SEC14L2: variants seen among roughly 807,000 people sequenced by gnomAD.
The protein encoded by SEC14L2 is SEC14-like protein 2.
SEC14L2 carries 50 observed loss-of-function variants against 56.9 expected under a neutral mutation model. The ratio of observed to expected loss-of-function variants is 0.88; its 90% CI spans 0.70 to 1.11. The LOEUF (loss-of-function observed/expected upper bound fraction) is 1.11, where lower values mean the gene tolerates loss of function less well. Ranked by LOEUF, SEC14L2 falls within the 50% of genes most tolerant of loss-of-function variation. The pLI, the probability that SEC14L2 is intolerant of heterozygous loss-of-function variation, is 0.00. For missense variants in SEC14L2, 414 were observed against 500.7 expected, an observed-to-expected ratio of 0.83 and a Z score of 1.65; for synonymous variants, 179 against 188.5, an observed-to-expected ratio of 0.95 and a Z score of 0.41.
chr22:30,398,483 G>A (rs1480146913), intron 1 of SEC14L2: 1 of 348,700 alleles, frequency 2.9e-6, no homozygotes, highest in South Asian at 2.2e-5. Context: ...GGCTCAGGGA[G>A]GGCATATAGG....
chr22:30,410,101 A>T (rs1388229283), intron 7 of SEC14L2, among the ~76,000 whole-genome samples: 1 of 151,908 alleles, frequency 6.6e-6, no homozygotes, highest in Non-Finnish European at 1.5e-5. Flanking sequence ...AGGTGGCTGA[A>T]GCACAAAAAT....
Position 30,410,676 on chromosome 22 carries a change from G to A in SEC14L2, c.661G>A (p.Gly221Arg), listed in dbSNP as rs772950651. Reference sequence around the variant, plus strand: ...CACTCGTAAGAAGATCATGGTCCTGGGAGGTAAGTGGTCCAGACTGTTCTC... The same window carrying A: ...CACTCGTAAGAAGATCATGGTCCTGAGAGGTAAGTGGTCCAGACTGTTCTC... ...EDTRKKIMVL[G>R]ANWKEVLLKH... Residue 221 changes from glycine (G) to arginine (R), a missense_variant, in exon 8 of 12, where the codon GGA becomes AGA. Transcript: ENST00000615189. 6.2e-7 allele frequency: 1 copy of A among 1,613,944 alleles called. No homozygotes were observed. Among genetic ancestry groups the A allele is most frequent in the African/African-American group, 1.3e-5 (1 of 75,052 alleles).
At chr22:30,419,139 G>A (rs1480082762) in intron 11 of SEC14L2, among the ~76,000 whole-genome samples, 2 of 152,192 alleles carry the variant, frequency 1.3e-5, no homozygotes, top group Non-Finnish European at 2.9e-5. Context: ...CAGTGCTGTG[G>A]TGAAAAGAGC....
rs201172275 is a variant in SEC14L2 at position 30,399,647 on chromosome 22, G to C, written c.59G>C (p.Arg20Pro). 2.5e-6 allele frequency: 4 copies of C among 1,613,310 alleles called. No individual in the cohort carries two copies. In the South Asian group the frequency reaches 4.4e-5, roughly 18 times the overall value. Residue 20 changes from arginine to proline, a missense_variant, in exon 2 of 12, where the codon CGG (arginine) becomes CCG (proline). Coordinates refer to ENST00000615189, the MANE Select transcript of SEC14L2 (RefSeq NM_012429.5). ...PRQKEALAKF[R>P]ENVQDVLPAL... ...CCCCGATGCCTCTCCCTACAGTTTC[G>C]GGAGAATGTCCAGGATGTGCTGCCG... is the stretch of plus-strand genomic sequence containing the variant.
chr22:30,397,862 G>A (rs771514148), intron 1 of SEC14L2: 8 of 471,018 alleles, frequency 1.7e-5, no homozygotes, highest in South Asian at 1.1e-4. Context: ...CTCCTCAGAA[G>A]GCAAGAAGGT....
At chr22:30,397,464 G>A (rs1933787097) in intron 1 of SEC14L2, 11 of 441,500 alleles carry the variant, frequency 2.5e-5, no homozygotes, top group Admixed American at 8.4e-5. Flanking sequence ...AGGGCACAAA[G>A]GCAACATTCA....
At chr22:30,401,190 T>C (rs758636540) in intron 2 of SEC14L2, among the ~76,000 whole-genome samples, 1 of 88,574 alleles carries the variant, frequency 1.1e-5, no homozygotes, top group Non-Finnish European at 2.7e-5. Flanking sequence ...TCAAGTGATT[T>C]ATTTATTTAT....
At position 30,424,378 on chromosome 22, in the gene SEC14L2, T is replaced by C; in HGVS notation, c.*1971T>C. ...CAAGCCCAGCTCAGCTTGAGGTAAC[T>C]GCTGACCGGACTGTCCTATACAGCC... On this transcript the variant is annotated 3_prime_UTR_variant, in exon 12 of 12. Transcript: ENST00000615189. 1 of 181,422 alleles carries C rather than the reference T, an allele frequency of 5.5e-6. No homozygotes were observed. Among genetic ancestry groups the C allele is most frequent in the Non-Finnish European group, 1.2e-5 (1 of 83,910 alleles). The allele number at this position is 181,422 out of a possible 1,614,324, so 11.2% of individuals were successfully genotyped here. A position where few individuals can be genotyped will look rare whatever the true frequency, so the allele number is the denominator to read the frequency against.
chr22:30,417,451 T>TCAATCAGA (rs749142475), intron 11 of SEC14L2, among the ~76,000 whole-genome samples: 29 of 152,122 alleles, frequency 1.9e-4, no homozygotes, highest in Non-Finnish European at 3.7e-4. Context: ...CAATGGAAAA[T>TCAATCAGA]CAATCAGAGC....
chr22:30,418,748 G>C (rs5753129), intron 11 of SEC14L2, among the ~76,000 whole-genome samples: 1 of 152,230 alleles, frequency 6.6e-6, no homozygotes, highest in Non-Finnish European at 1.5e-5. Context: ...GCTAAGGTTA[G>C]ATGTGAGCCC....
At chr22:30,412,152 A>G (rs1424006454) in intron 8 of SEC14L2, among the ~76,000 whole-genome samples, 1 of 152,190 alleles carries the variant, frequency 6.6e-6, no homozygotes, top group Admixed American at 6.6e-5. Context: ...TCTACAGGCC[A>G]CTGGGAATCA....
chr22:30,404,038 A>G (rs1934024152), intron 2 of SEC14L2, among the ~76,000 whole-genome samples: 1 of 150,452 alleles, frequency 6.6e-6, no homozygotes, highest in Non-Finnish European at 1.5e-5. Flanking sequence ...AAGAAAAAAA[A>G]AAAAAGAAGA....
At chr22:30,421,075 T>C (rs1283687639) in intron 11 of SEC14L2, 2 of 152,018 alleles carry the variant, frequency 1.3e-5, no homozygotes, top group African/African-American at 2.4e-5. Context: ...TACACTAAAA[T>C]TGAAACAATA....
In SEC14L2 at chr22:30,422,391, C is replaced by T. The variant is rs1322986180; in HGVS notation, c.1196C>T (p.Ala399Val). The T allele has an allele frequency of 1.9e-6, 3 of 1,614,206 alleles. No individual in the cohort carries two copies. The highest frequency in any genetic ancestry group is 2.2e-5 in the East Asian group (1 of 44,886). Residue 399 changes from alanine to valine, a missense_variant, in exon 12 of 12, where the codon GCA (alanine) becomes GTA (valine). Coordinates refer to ENST00000615189, the MANE Select transcript of SEC14L2 (RefSeq NM_012429.5). The stretch of plus-strand genomic sequence containing the variant: ...GAAGAGAAGATGAAACAGCTGGGGG[C>T]AGGCACCCCGAAATAACACCTTCTC... ...ASEEKMKQLG[A>V]GTPK is the part of the protein sequence containing the mutation.
At position 30,407,492 on chromosome 22, in the gene SEC14L2, A is replaced by G. The variant is rs1272075525; in HGVS notation, c.312A>G (p.Gly104=). The G allele has an allele frequency of 6.2e-7, 1 of 1,614,002 alleles. No individual in the cohort carries two copies. The highest frequency in any genetic ancestry group is 1.7e-5 in the Admixed American group (1 of 60,006). The change falls in exon 5 of 12, where the codon GGA becomes GGG. Residue 104 remains glycine (G), a synonymous_variant. Coordinates refer to ENST00000615189, the MANE Select transcript of SEC14L2 (RefSeq NM_012429.5). ...DGCPVWYDII[G]PLDAKGLLFS... ...GCCCAGTCTGGTACGACATAATTGGACCTCTGGATGCCAAGGGTCTGCTGT... is the reference window on the plus strand; with the variant it reads ...GCCCAGTCTGGTACGACATAATTGGGCCTCTGGATGCCAAGGGTCTGCTGT...
rs545162920 is a variant in SEC14L2, at chr22:30,423,665, C to G, written c.*1258C>G. On this transcript the variant is annotated 3_prime_UTR_variant, in exon 12 of 12. Coordinates refer to ENST00000615189, the MANE Select transcript of SEC14L2 (RefSeq NM_012429.5). ...TTCCCTCAGAGCCAGGCCCCGGCCC[C>G]GTCTGGGAAGCTCATCTTGCGAAGC... 2.0e-5 allele frequency: 3 copies of G among 152,436 alleles called. No homozygotes were observed. Among genetic ancestry groups the G allele is most frequent in the African/African-American group, 4.8e-5 (2 of 41,482 alleles). 9.4% of individuals were successfully genotyped at this position (152,436 alleles called of 1,614,324 possible). A position where few individuals can be genotyped will look rare whatever the true frequency, so the allele number is the denominator to read the frequency against.
In SEC14L2 at chr22:30,424,698, C is replaced by T. The variant is rs1934621343; in HGVS notation, c.*2291C>T. On this transcript the variant is annotated 3_prime_UTR_variant, in exon 12 of 12. Coordinates refer to ENST00000615189, the MANE Select transcript of SEC14L2 (RefSeq NM_012429.5). ...GGGAACTGGGGCTCAGGGAGGCTAA[C>T]AGCCAGTAGGCGGCACAGCTAGGAT... is the stretch of plus-strand genomic sequence containing the variant. The T allele has an allele frequency of 2.2e-6, 1 of 456,392 alleles. No homozygotes were observed. The highest frequency in any genetic ancestry group is 6.9e-5 in the East Asian group (1 of 14,396). The allele number at this position is 456,392 out of a possible 1,614,324, so 28.3% of individuals were successfully genotyped here. A position where few individuals can be genotyped will look rare whatever the true frequency, so the allele number is the denominator to read the frequency against.
At chr22:30,410,715 G>A (rs1272013678) in intron 8 of SEC14L2, 36 bp downstream of exon 8, 2 of 1,588,198 alleles carry the variant, frequency 1.3e-6, no homozygotes, top group Non-Finnish European at 8.6e-7. Context: ...TCCAAAGGAG[G>A]GTCTGTAGCC....
intron 8 of SEC14L2, among the ~76,000 whole-genome samples, chr22:30,414,284 A>C (rs905098422): frequency 6.6e-6 from 1 of 151,978 alleles, no homozygotes; most frequent in African/African-American, 2.4e-5. Flanking sequence ...GCTACCACCC[A>C]CCATGGGCAT....
Sources: allele counts gnomAD v4.1 joint callset (sites outside exome capture counted in the v4.1 genomes callset), GRCh38; gene constraint gnomAD v4.1.1; transcripts MANE v1.5; gene names NCBI Gene and HGNC (gene_info 2026-07-23, HGNC 2026-07-21).